The following ACOXL variants were observed in gnomAD, a reference collection of about 807,000 sequenced individuals.
ACOXL encodes acyl-coenzyme A oxidase-like protein.
In ACOXL, 70 loss-of-function variants were observed where a neutral mutation model predicts 71.9. The ratio of observed to expected loss-of-function variants is 0.97; its 90% CI spans 0.80 to 1.19. ACOXL has a LOEUF of 1.19. ACOXL is among the 50% of genes most tolerant of loss of function. The pLI is 0.00. For missense variants in ACOXL, 703 were observed against 736.3 expected, an observed-to-expected ratio of 0.95 and a Z score of 0.52; for synonymous variants, 253 against 281.6, an observed-to-expected ratio of 0.90 and a Z score of 1.02.
intron 10 of ACOXL, among the ~76,000 whole-genome samples, chr2:110,876,155 C>A (rs1367767920): frequency 1.3e-5 from 2 of 152,174 alleles, no homozygotes; most frequent in African/African-American, 4.8e-5. Context: ...TGCCTTGGCC[C>A]CAGAACTGTG....
At chr2:110,829,278 T>C (rs917620898) in intron 9 of ACOXL, among the ~76,000 whole-genome samples, 1 of 152,158 alleles carries the variant, frequency 6.6e-6, no homozygotes, top group African/African-American at 2.4e-5. Flanking sequence ...CAGTTTGGAG[T>C]GCCAGTGCAT....
intron 17 of ACOXL, among the ~76,000 whole-genome samples, chr2:111,096,136 T>A (rs1574749136): frequency 6.6e-6 from 1 of 152,188 alleles, no homozygotes. Context: ...TCTCCACATT[T>A]ACTGATTCTT....
rs751445912 is a variant in ACOXL at position 110,963,600 on chromosome 2, TG to T, written c.1060-23507del. On this transcript the variant is annotated intron_variant, in intron 12 of 17. Transcript: ENST00000439055. ...GTGTGTGTGTGTGTGTGTGTGTGTG[TG>T]TGTTTTTCTCTTTCTGCAACAGGGT... 63 of 1,288,420 alleles carry T rather than the reference TG, an allele frequency of 4.9e-5. No homozygotes were observed. The African/African-American group carries it at 1.7e-3, about 36-fold the overall frequency. 79.8% of individuals were successfully genotyped at this position (1,288,420 alleles called of 1,614,324 possible). A position where few individuals can be genotyped will look rare whatever the true frequency, so the allele number is the denominator to read the frequency against.
rs148148196 is a variant in ACOXL at position 110,937,204 on chromosome 2, A to G, written c.1059+3562A>G. 9.9e-4 allele frequency among the ~76,000 whole-genome samples: 151 copies of G among 152,306 alleles called. 1 individual carries two copies. The highest frequency in any genetic ancestry group is 3.4e-3 in the African/African-American group (143 of 41,558). On this transcript the variant is annotated intron_variant, in intron 12 of 17. Transcript: ENST00000439055. ...CGATAAAAGCTGTGAGCTTCTAACCATGGCTTGGCATTTCTGATGACCAGC... is the reference window on the plus strand; with the variant it reads ...CGATAAAAGCTGTGAGCTTCTAACCGTGGCTTGGCATTTCTGATGACCAGC...
At chr2:111,003,330 A>T (rs1388479430) in intron 14 of ACOXL, among the ~76,000 whole-genome samples, 1 of 152,020 alleles carries the variant, frequency 6.6e-6, no homozygotes, top group Non-Finnish European at 1.5e-5. Context: ...CGGGTGGATC[A>T]CGAGGTCAGG....
intron 10 of ACOXL, among the ~76,000 whole-genome samples, chr2:110,847,087 G>A (rs913472966): frequency 5.3e-5 from 8 of 152,086 alleles, no homozygotes; most frequent in African/African-American, 1.9e-4. Flanking sequence ...ACACAGTGGT[G>A]ACAGCTGGGT....
chr2:111,059,467 A>G (rs1201942273), intron 16 of ACOXL, among the ~76,000 whole-genome samples: 2 of 152,262 alleles, frequency 1.3e-5, no homozygotes, highest in East Asian at 1.9e-4. Flanking sequence ...CTCAGATTGG[A>G]TGAAAAATAA....
intron 9 of ACOXL, among the ~76,000 whole-genome samples, chr2:110,835,807 G>GGAAA (rs1690382379): frequency 6.6e-6 from 1 of 152,156 alleles, no homozygotes; most frequent in Non-Finnish European, 1.5e-5. Context: ...CAGCTGAAAT[G>GGAAA]CCCAAGTTTG....
chr2:111,025,608 T>C (rs545241049), intron 14 of ACOXL, among the ~76,000 whole-genome samples: 9 of 152,248 alleles, frequency 5.9e-5, no homozygotes, highest in Non-Finnish European at 1.0e-4. Context: ...TTGTCTTCTT[T>C]GGTGAAGTGT....
Position 110,793,662 on chromosome 2 carries a change from T to C in ACOXL, c.172T>C (p.Tyr58His). 1 of 1,614,100 alleles carries C rather than the reference T, an allele frequency of 6.2e-7. No individual in the cohort carries two copies. Among genetic ancestry groups the C allele is most frequent in the South Asian group, 1.1e-5 (1 of 91,078 alleles). The change falls in exon 4 of 18, where the codon TAT (tyrosine) becomes CAT (histidine). Residue 58 changes from tyrosine (Y) to histidine (H), a missense_variant. Coordinates refer to ENST00000439055, the MANE Select transcript of ACOXL (RefSeq NM_001142807.4). ...TCCTTGTTTCCAGTGCGGAATAATT[T>C]ATTGGCTATTTGGTGGTGCTATCAG... ...MATGVKCGII[Y>H]WLFGGAIRNL...
At chr2:110,771,944 A>G (rs969040326) in intron 2 of ACOXL, among the ~76,000 whole-genome samples, 1 of 152,168 alleles carries the variant, frequency 6.6e-6, no homozygotes, top group Non-Finnish European at 1.5e-5. Flanking sequence ...TTCCTCAGAG[A>G]TGCTCATCCC....
At chr2:110,949,453 A>T (rs1006563571) in intron 12 of ACOXL, among the ~76,000 whole-genome samples, 1 of 152,086 alleles carries the variant, frequency 6.6e-6, no homozygotes, top group Non-Finnish European at 1.5e-5. Context: ...AAAAAACCCC[A>T]AAGTTCTGGG....
intron 10 of ACOXL, among the ~76,000 whole-genome samples, chr2:110,846,788 G>GC (rs151158957): frequency 8.7e-5 from 9 of 103,546 alleles, no homozygotes; most frequent in African/African-American, 2.7e-4. Context: ...TGTGTGTGTT[G>GC]GGGGGGGTGT....
At chr2:110,965,986 T>C (rs768264529) in intron 12 of ACOXL, among the ~76,000 whole-genome samples, 3 of 152,140 alleles carry the variant, frequency 2.0e-5, no homozygotes, top group Non-Finnish European at 2.9e-5. Context: ...AAAATCTTTT[T>C]GGTGATACCC....
chr2:110,886,771 C>T, intron 10 of ACOXL: 1 of 1,550,864 alleles, frequency 6.4e-7, no homozygotes, highest in Non-Finnish European at 8.7e-7. Context: ...TTTTCTGTCC[C>T]TTTTTCTAGG....
intron 2 of ACOXL, among the ~76,000 whole-genome samples, chr2:110,779,093 T>A (rs1683015695): frequency 6.6e-6 from 1 of 152,358 alleles, no homozygotes; most frequent in African/African-American, 2.4e-5. Context: ...AATCCTACAC[T>A]GTCAGGGTCC....
At chr2:111,082,089 G>T (rs528592482) in intron 16 of ACOXL, among the ~76,000 whole-genome samples, 5 of 152,206 alleles carry the variant, frequency 3.3e-5, no homozygotes, top group African/African-American at 1.2e-4. Context: ...CTAGGCAATA[G>T]CATTCAGGAC....
chr2:110,846,926 T>G (rs1333071674), intron 10 of ACOXL, among the ~76,000 whole-genome samples: 1 of 152,212 alleles, frequency 6.6e-6, no homozygotes, highest in Non-Finnish European at 1.5e-5. Flanking sequence ...CATGACTGCC[T>G]GCGCGCTTAA....
At chr2:111,010,752 T>A (rs956146865) in intron 14 of ACOXL, among the ~76,000 whole-genome samples, 4 of 152,164 alleles carry the variant, frequency 2.6e-5, no homozygotes, top group Non-Finnish European at 5.9e-5. Context: ...TCACTTTTCA[T>A]TAGAAATTGT....
Sources: gnomAD v4.1 joint callset for allele counts (sites outside exome capture counted in the v4.1 genomes callset) on GRCh38, gnomAD v4.1.1 for gene constraint, MANE v1.5 for transcripts, NCBI Gene and HGNC (gene_info 2026-07-23, HGNC 2026-07-21) for gene names.